JMY: variants seen among roughly 807,000 people sequenced by gnomAD.
The protein encoded by JMY is junction-mediating and -regulatory protein.
In JMY, 46 loss-of-function variants were observed where a neutral mutation model predicts 103.3. The ratio of observed to expected loss-of-function variants is 0.45; its 90% CI spans 0.35 to 0.57. The LOEUF (loss-of-function observed/expected upper bound fraction) is 0.57, where lower values mean the gene tolerates loss of function less well. Among genes scored for constraint, JMY ranks in the 20% least tolerant of loss-of-function variants. The probability of loss-of-function intolerance (pLI) is 0.00; values close to 1 mark genes in which losing one functional copy is unlikely to be tolerated. For missense variants in JMY, 1,238 were observed against 1,255.2 expected, an observed-to-expected ratio of 0.99 and a Z score of 0.21; for synonymous variants, 526 against 489.3, an observed-to-expected ratio of 1.07 and a Z score of -0.99.
chr5:79,256,541 A>G lies in JMY; in HGVS notation c.1032+18859A>G, dbSNP rs967615395. On this transcript the variant is annotated intron_variant, in intron 1 of 10. Transcript: ENST00000396137. Reference sequence around the variant, plus strand: ...CAGAGTCTCGTAAAGGGTAATTTGCATCATCTTGCTCTGTCCTATTCCCCT... The same window carrying G: ...CAGAGTCTCGTAAAGGGTAATTTGCGTCATCTTGCTCTGTCCTATTCCCCT... 6.6e-5 allele frequency among the ~76,000 whole-genome samples: 10 copies of G among 152,234 alleles called. No homozygotes were observed. In the East Asian group the frequency reaches 1.9e-3, roughly 29 times the overall value.
chr5:79,319,816 G>C (rs1319248941), intron 10 of JMY, among the ~76,000 whole-genome samples: 1 of 152,092 alleles, frequency 6.6e-6, no homozygotes. Context: ...CTGATCTCAG[G>C]TGATCCACCT....
chr5:79,251,771 T>TTTTA lies in JMY; in HGVS notation c.1032+14105_1032+14108dup, dbSNP rs201763530. ...ATTGTTGTGATTTTTATTTTTTTAT[T>TTTTA]TTTATTTATTTATTTATTTTTTGAG... On this transcript the variant is annotated intron_variant, in intron 1 of 10. Coordinates refer to ENST00000396137, the MANE Select transcript of JMY (RefSeq NM_152405.5). Among the ~76,000 whole-genome samples, 404 of 152,044 alleles carry TTTTA rather than the reference T, an allele frequency of 2.7e-3. 12 individuals carry two copies. The East Asian group carries it at 0.049, about 18-fold the overall frequency.
chr5:79,284,371 C>G, intron 2 of JMY: 2 of 1,289,130 alleles, frequency 1.6e-6, no homozygotes, highest in Non-Finnish European at 2.2e-6. Flanking sequence ...ATTTATTGAC[C>G]ACTTCTTTCA....
chr5:79,303,698 G>C (rs1271704140), intron 6 of JMY, among the ~76,000 whole-genome samples: 1 of 152,186 alleles, frequency 6.6e-6, no homozygotes, highest in Non-Finnish European at 1.5e-5. Context: ...CGAAGTCATA[G>C]AAGTGAAGAT....
intron 1 of JMY, among the ~76,000 whole-genome samples, chr5:79,260,009 G>A (rs1488637057): frequency 6.6e-6 from 1 of 152,192 alleles, no homozygotes; most frequent in Non-Finnish European, 1.5e-5. Context: ...CTGCCCCTCA[G>A]TGCCCGACTG....
rs1367475781 is a variant in JMY at position 79,323,484 on chromosome 5, T to C, written c.*1882T>C. ...AAAGCGTATTTCTTAACCCAAAGAGTGATTGGTTATATGAATATATTTGAA... is the reference window on the plus strand; with the variant it reads ...AAAGCGTATTTCTTAACCCAAAGAGCGATTGGTTATATGAATATATTTGAA... On this transcript the variant is annotated 3_prime_UTR_variant, in exon 11 of 11. Coordinates refer to ENST00000396137, the MANE Select transcript of JMY (RefSeq NM_152405.5). 1 of 152,058 alleles carries C rather than the reference T, an allele frequency of 6.6e-6. No individual in the cohort carries two copies. Among genetic ancestry groups the C allele is most frequent in the Non-Finnish European group, 1.5e-5 (1 of 68,008 alleles). 9.4% of individuals were successfully genotyped at this position (152,058 alleles called of 1,614,324 possible).
intron 8 of JMY, 69 bp downstream of exon 8, chr5:79,312,567 C>G: frequency 1.4e-6 from 1 of 729,796 alleles, no homozygotes; most frequent in Admixed American, 3.1e-5. Flanking sequence ...ACATATACAC[C>G]TGTAGGATTT....
intron 1 of JMY, among the ~76,000 whole-genome samples, chr5:79,242,805 A>T (rs1157986547): frequency 6.7e-6 from 1 of 149,178 alleles, no homozygotes; most frequent in African/African-American, 2.5e-5. Flanking sequence ...TTTTTTAAAG[A>T]CAGTGTCTCA....
chr5:79,255,632 C>T (rs1745217131), intron 1 of JMY, among the ~76,000 whole-genome samples: 2 of 152,210 alleles, frequency 1.3e-5, no homozygotes, highest in African/African-American at 4.8e-5. Flanking sequence ...TAAGCTGTAT[C>T]TGTTTTAGGG....
intron 1 of JMY, among the ~76,000 whole-genome samples, chr5:79,270,921 A>G (rs1745765311): frequency 6.6e-6 from 1 of 151,862 alleles, no homozygotes; most frequent in African/African-American, 2.4e-5. Context: ...TTTGTAGTAG[A>G]TGACAATTGA....
intron 2 of JMY, chr5:79,284,445 G>C: frequency 1.3e-6 from 2 of 1,554,842 alleles, no homozygotes; most frequent in Non-Finnish European, 1.8e-6. Flanking sequence ...TGGCGGACCC[G>C]TTGGTGCTGG....
intron 1 of JMY, among the ~76,000 whole-genome samples, chr5:79,246,284 C>T (rs1744897738): frequency 6.6e-6 from 1 of 152,122 alleles, no homozygotes; most frequent in South Asian, 2.1e-4. Flanking sequence ...AGATGAGTTT[C>T]TATCCACACC....
intron 1 of JMY, among the ~76,000 whole-genome samples, chr5:79,246,080 T>C (rs2112046307): frequency 6.6e-6 from 1 of 152,346 alleles, no homozygotes; most frequent in East Asian, 1.9e-4. Context: ...TGTGTGTGTT[T>C]ATCCTTACAT....
chr5:79,321,163 T>A (rs774914445), intron 10 of JMY, among the ~76,000 whole-genome samples: 2 of 152,202 alleles, frequency 1.3e-5, no homozygotes, highest in Non-Finnish European at 2.9e-5. Context: ...CTCCTGTGCT[T>A]TGGGTACGCC....
Position 79,237,533 on chromosome 5 carries a change from C to A in JMY, c.883C>A (p.His295Asn), listed in dbSNP as rs1744563451. The change falls in exon 1 of 11, where the codon CAC (histidine) becomes AAC (asparagine). Residue 295 changes from histidine (H) to asparagine (N), a missense_variant. Physicochemically the swap from His to Asn is moderately conservative, Grantham distance 68. Transcript: ENST00000396137. ...LCYQLQVYLG[H>N]GLDTCGWKIL... ...TTACCAGCTCCAGGTCTACCTGGGC[C>A]ACGGCCTGGACACCTGCGGCTGGAA... 1.9e-6 allele frequency: 3 copies of A among 1,613,736 alleles called. No individual in the cohort carries two copies. In the South Asian group the frequency reaches 3.3e-5, roughly 18 times the overall value.
intron 1 of JMY, among the ~76,000 whole-genome samples, chr5:79,238,251 CT>C (rs199710232): frequency 1.3e-5 from 2 of 150,978 alleles, no homozygotes; most frequent in Non-Finnish European, 3.0e-5. Flanking sequence ...TGTTTTGTTT[CT>C]TTTTTTTTGG....
chr5:79,286,901 T>C (rs1746286107), intron 2 of JMY, among the ~76,000 whole-genome samples: 1 of 152,146 alleles, frequency 6.6e-6, no homozygotes, highest in Non-Finnish European at 1.5e-5. Flanking sequence ...AAAGTAACTC[T>C]AAGGTACTTC....
At chr5:79,249,731 C>T (rs1353962548) in intron 1 of JMY, among the ~76,000 whole-genome samples, 2 of 152,156 alleles carry the variant, frequency 1.3e-5, no homozygotes, top group South Asian at 2.1e-4. Context: ...TTACTCTATT[C>T]AAGTTTTCCT....
At chr5:79,321,550 CTG>C (rs1473455317) in intron 10 of JMY, 54 bp from the exon 11 acceptor site, 3 of 151,828 alleles carry the variant, frequency 2.0e-5, no homozygotes, top group Admixed American at 6.6e-5. Context: ...CGTAAATACA[CTG>C]TATCTTTAAA....
Sources: allele counts gnomAD v4.1 joint callset (sites outside exome capture counted in the v4.1 genomes callset), GRCh38; gene constraint gnomAD v4.1.1; transcripts MANE v1.5; gene names NCBI Gene and HGNC (gene_info 2026-07-23, HGNC 2026-07-21).